The following EEF2K variants were observed in gnomAD, a reference collection of about 807,000 sequenced individuals.
The protein encoded by EEF2K is eukaryotic elongation factor 2 kinase.
In EEF2K, 70 loss-of-function variants were observed where a neutral mutation model predicts 93.8. The observed-to-expected ratio is 0.75, with a 90% confidence interval of 0.62 to 0.91. EEF2K has a LOEUF of 0.91. Ranked by LOEUF, EEF2K falls within the 40% of genes least tolerant of loss-of-function variation. The pLI, the probability that EEF2K is intolerant of heterozygous loss-of-function variation, is 0.00. For synonymous variants in EEF2K, 376 were observed against 380.8 expected, an observed-to-expected ratio of 0.99 and a Z score of 0.15; for missense variants, 935 against 972.9, an observed-to-expected ratio of 0.96 and a Z score of 0.52.
At chr16:22,230,726 A>G (rs190651189) in intron 2 of EEF2K, among the ~76,000 whole-genome samples, 5 of 152,286 alleles carry the variant, frequency 3.3e-5, no homozygotes, top group African/African-American at 7.2e-5. Flanking sequence ...AGGTCTTACT[A>G]TGTTACCCAG....
chr16:22,262,389 A>G (rs2047474481), intron 11 of EEF2K, among the ~76,000 whole-genome samples: 1 of 152,136 alleles, frequency 6.6e-6, no homozygotes, highest in Non-Finnish European at 1.5e-5. Flanking sequence ...AGGCGCCTGT[A>G]GTCCCAGCTA....
chr16:22,270,485 C>T (rs2047568068), intron 15 of EEF2K, among the ~76,000 whole-genome samples: 1 of 151,970 alleles, frequency 6.6e-6, no homozygotes, highest in African/African-American at 2.4e-5. Flanking sequence ...TTTTTGACCT[C>T]AAGTGATCTG....
intron 2 of EEF2K, among the ~76,000 whole-genome samples, chr16:22,244,294 TG>T (rs1409195939): frequency 2.7e-5 from 4 of 150,814 alleles, no homozygotes; most frequent in Non-Finnish European, 2.9e-5. Context: ...TGTGTGTGTG[TG>T]TGTGTGTGTG....
In EEF2K at chr16:22,257,285, C is replaced by A; in HGVS notation, c.801C>A (p.Gly267=). The A allele has an allele frequency of 6.2e-7, 1 of 1,614,118 alleles. No individual in the cohort carries two copies. The highest frequency in any genetic ancestry group is 8.5e-7 in the Non-Finnish European group (1 of 1,180,028). ...AFSHFTFERS[G]HQLIVVDIQG... is the part of the protein sequence containing the mutation. ...GCCACTTCACTTTTGAGCGTTCCGG[C>A]CATCAGCTGATAGTGGTGGACATCC... is the stretch of plus-strand genomic sequence containing the variant. The change falls in exon 8 of 18, where the codon GGC becomes GGA. Residue 267 remains glycine (G), a synonymous_variant. Transcript: ENST00000263026.
intron 17 of EEF2K, among the ~76,000 whole-genome samples, chr16:22,281,205 G>A (rs569594180): frequency 9.2e-5 from 14 of 152,116 alleles, no homozygotes; most frequent in Non-Finnish European, 1.6e-4. Flanking sequence ...GGGATTATAC[G>A]TGTGAGCCAC....
chr16:22,233,012 A>G (rs2047131105), intron 2 of EEF2K, among the ~76,000 whole-genome samples: 1 of 152,208 alleles, frequency 6.6e-6, no homozygotes, highest in African/African-American at 2.4e-5. Flanking sequence ...TATCGCTGTC[A>G]AGCCCAGCCT....
At chr16:22,255,975 A>G (rs28791605) in intron 6 of EEF2K, among the ~76,000 whole-genome samples, 26,033 of 151,776 alleles carry the variant, frequency 0.17, 3,064 homozygotes, top group African/African-American at 0.34. Context: ...GTGCAGTGAC[A>G]TGATCTTGGC....
intron 15 of EEF2K, 78 bp from the exon 16 acceptor site, chr16:22,273,548 T>C: frequency 6.4e-7 from 1 of 1,565,502 alleles, no homozygotes; most frequent in South Asian, 1.2e-5. Flanking sequence ...GGGTGAAGAT[T>C]GAGTAGTGAG....
chr16:22,210,317 T>C (rs1002301904), intron 1 of EEF2K, among the ~76,000 whole-genome samples: 4 of 152,140 alleles, frequency 2.6e-5, no homozygotes, highest in African/African-American at 9.7e-5. Context: ...CACCCGGAAG[T>C]AGGTGGCTAA....
Position 22,270,014 on chromosome 16 carries a change from A to G in EEF2K, c.1764+3138A>G, listed in dbSNP as rs553256870. On this transcript the variant is annotated intron_variant, in intron 15 of 17. Coordinates refer to ENST00000263026, the MANE Select transcript of EEF2K (RefSeq NM_013302.5). ...GCTCTGTCACCCAGGCTGGAGTGCAATGGTACAATCTCAGCTCACTGCAAC... is the reference window on the plus strand; with the variant it reads ...GCTCTGTCACCCAGGCTGGAGTGCAGTGGTACAATCTCAGCTCACTGCAAC... 5.0e-3 allele frequency among the ~76,000 whole-genome samples: 746 copies of G among 150,294 alleles called. 7 individuals are homozygous for G. The highest frequency in any genetic ancestry group is 7.2e-3 in the Non-Finnish European group (488 of 67,588).
chr16:22,229,098 C>G (rs2047091575), intron 2 of EEF2K, among the ~76,000 whole-genome samples: 1 of 152,032 alleles, frequency 6.6e-6, no homozygotes, highest in South Asian at 2.1e-4. Flanking sequence ...GAGATCGCAC[C>G]ACTGCACTCC....
chr16:22,215,357 G>A (rs1433565803), intron 1 of EEF2K, among the ~76,000 whole-genome samples: 5 of 152,166 alleles, frequency 3.3e-5, no homozygotes, highest in Non-Finnish European at 7.3e-5. Flanking sequence ...CCTGCAGATA[G>A]ATACAAGGGC....
intron 5 of EEF2K, 124 bp downstream of exon 5, chr16:22,250,815 G>A: frequency 7.8e-7 from 1 of 1,288,710 alleles, no homozygotes; most frequent in Non-Finnish European, 1.1e-6. Flanking sequence ...TTGTAGCCCA[G>A]GTTCCTGTCC....
intron 2 of EEF2K, among the ~76,000 whole-genome samples, chr16:22,240,661 G>C (rs1026132560): frequency 1.8e-4 from 28 of 152,176 alleles, no homozygotes; most frequent in African/African-American, 6.8e-4. Context: ...GGTTACCCCA[G>C]CCAGTCTGCA....
intron 16 of EEF2K, among the ~76,000 whole-genome samples, chr16:22,277,392 C>T (rs926098539): frequency 6.6e-6 from 1 of 152,182 alleles, no homozygotes; most frequent in Non-Finnish European, 1.5e-5. Context: ...ACCTAGGCCT[C>T]CCAAAGTGCT....
rs546101600 is a variant in EEF2K at position 22,283,847 on chromosome 16, G to A, written c.2069-40G>A. On this transcript the variant is annotated intron_variant, in intron 17 of 17. Transcript: ENST00000263026. ...GGACACTGGGCTGGCAAAAACAACA[G>A]GTGGTTCACCTCTTTTTGCCCCCCT... The A allele has an allele frequency of 2.8e-5, 44 of 1,550,970 alleles. No individual in the cohort carries two copies. In the African/African-American group the frequency reaches 5.3e-4, roughly 19 times the overall value.
chr16:22,277,208 C>G (rs2047646166), intron 16 of EEF2K, among the ~76,000 whole-genome samples: 1 of 152,156 alleles, frequency 6.6e-6, no homozygotes, highest in South Asian at 2.1e-4. Context: ...GTAATCATAG[C>G]TCACTGTAGT....
intron 3 of EEF2K, among the ~76,000 whole-genome samples, chr16:22,248,049 T>G (rs959970525): frequency 1.3e-5 from 2 of 151,804 alleles, no homozygotes; most frequent in African/African-American, 2.4e-5. Context: ...GTATTTATTT[T>G]TATTTTTATT....
At position 22,261,130 on chromosome 16, in the gene EEF2K, T is replaced by C. The variant is rs571906574; in HGVS notation, c.1299+601T>C. ...GCTCATGCCTATAATCCCAGCACTT[T>C]GGGAGACCAAGGTGGGCAGATCACT... On this transcript the variant is annotated intron_variant, in intron 11 of 17. Transcript: ENST00000263026. Among the ~76,000 whole-genome samples the C allele has an allele frequency of 3.8e-4, 58 of 152,272 alleles. 1 individual carries two copies. The South Asian group carries it at 0.012, about 32-fold the overall frequency.
Sources: allele counts gnomAD v4.1 joint callset (sites outside exome capture counted in the v4.1 genomes callset), GRCh38; gene constraint gnomAD v4.1.1; transcripts MANE v1.5; gene names NCBI Gene and HGNC (gene_info 2026-07-23, HGNC 2026-07-21).